The following H2BC18 variants were observed in gnomAD, a reference collection of about 807,000 sequenced individuals.
H2BC18 encodes the protein histone H2B type 2-F.
In H2BC18, 8 loss-of-function variants were observed where a neutral mutation model predicts 6.3. That is an observed-to-expected ratio of 1.28 (90% CI 0.75 to 2.31). H2BC18 has a LOEUF of 2.31. Ranked by LOEUF, H2BC18 falls within the 30% of genes most tolerant of loss-of-function variation. H2BC18 has a pLI of 0.00. For synonymous variants in H2BC18, 104 were observed against 78.1 expected (o/e 1.33, Z -1.75); for missense variants, 106 against 174.5 (o/e 0.61, Z 2.21).
At chr1:149,801,736 T>C (rs2091873853) in intron 1 of H2BC18, among the ~76,000 whole-genome samples, 1 of 151,394 alleles carries the variant, frequency 6.6e-6, no homozygotes, top group Non-Finnish European at 1.5e-5. Context: ...ATCTCTGTGC[T>C]GTAAGGGGCC....
At chr1:149,796,052 T>C in intron 1 of H2BC18, among the ~76,000 whole-genome samples, 1 of 151,882 alleles carries the variant, frequency 6.6e-6, no homozygotes. Flanking sequence ...TTAATGCACA[T>C]TGGCAGGAAA....
At chr1:149,810,237 CACTT>C (rs1454375080), downstream of H2BC18, among the ~76,000 whole-genome samples, 6 of 151,980 alleles carry the variant, frequency 3.9e-5, no homozygotes, top group Admixed American at 2.6e-4. Flanking sequence ...TCGGCCGTCT[CACTT>C]ACTGAGTAAC....
intron 1 of H2BC18, among the ~76,000 whole-genome samples, chr1:149,806,377 G>A (rs1227633249): frequency 6.6e-6 from 1 of 152,086 alleles, no homozygotes; most frequent in African/African-American, 2.4e-5. Context: ...TGGATCACAA[G>A]GTCAGGAGAT....
chr1:149,792,655 C>G, intron 1 of H2BC18: 1 of 1,276,754 alleles, frequency 7.8e-7, no homozygotes, highest in African/African-American at 1.6e-5. Flanking sequence ...CCGCCTGTAT[C>G]TGGGGGCCGC....
At chr1:149,802,976 G>A (rs1318006380) in intron 1 of H2BC18, among the ~76,000 whole-genome samples, 30 of 152,286 alleles carry the variant, frequency 2.0e-4, no homozygotes, top group Non-Finnish European at 3.8e-4. Context: ...TCCTCTCCTA[G>A]TCCACTGACT....
At chr1:149,795,888 T>A (rs2091795010) in intron 1 of H2BC18, among the ~76,000 whole-genome samples, 1 of 151,436 alleles carries the variant, frequency 6.6e-6, no homozygotes, top group Non-Finnish European at 1.5e-5. Flanking sequence ...TTCCTCAGTT[T>A]ACCACAACAT....
intron 1 of H2BC18, among the ~76,000 whole-genome samples, chr1:149,789,482 C>A (rs2091645328): frequency 6.6e-6 from 1 of 152,168 alleles, no homozygotes; most frequent in Admixed American, 6.5e-5. Context: ...TAGTTGACCA[C>A]TGCCAAAAGG....
chr1:149,790,420 T>G (rs1313048123), intron 1 of H2BC18: 47 of 1,547,074 alleles, frequency 3.0e-5, no homozygotes, highest in Non-Finnish European at 3.8e-5. Flanking sequence ...GTTCAAGGGT[T>G]TTTGGCCCAG....
rs587681502 is a variant in H2BC18 at position 149,791,609 on chromosome 1, C to T, written c.378-8349G>A. On this transcript the variant is annotated intron_variant, in intron 1 of 1. Transcript: ENST00000545683. Reference sequence around the variant, plus strand: ...GTACAAACATCCAAAAGTTCAACAACACCAGAACTGTGTGTCTCATGGTAT... The same window carrying T: ...GTACAAACATCCAAAAGTTCAACAATACCAGAACTGTGTGTCTCATGGTAT... The T allele has an allele frequency of 2.2e-4, 344 of 1,538,384 alleles. 3 individuals are homozygous for T. The Middle Eastern group carries it at 4.2e-3, about 19-fold the overall frequency.
chr1:149,796,064 T>C (rs1233023552), intron 1 of H2BC18, among the ~76,000 whole-genome samples: 1 of 151,862 alleles, frequency 6.6e-6, no homozygotes, highest in Non-Finnish European at 1.5e-5. Context: ...GGCAGGAAAA[T>C]GGGAACAAAT....
rs1441701673 is a variant in H2BC18 at position 149,791,673 on chromosome 1, G to T, written c.378-8413C>A. ...CAAATAAATGAACTGACTTCAACTGGGATACATTTGGAAATGTGGTCATCA... is the reference window on the plus strand; with the variant it reads ...CAAATAAATGAACTGACTTCAACTGTGATACATTTGGAAATGTGGTCATCA... On this transcript the variant is annotated intron_variant, in intron 1 of 1. Transcript: ENST00000545683. 1.0e-4 allele frequency: 137 copies of T among 1,310,218 alleles called. 1 individual carries two copies. Among genetic ancestry groups the T allele is most frequent in the Non-Finnish European group, 1.3e-4 (131 of 979,616 alleles). The allele number at this position is 1,310,218 out of a possible 1,614,324, so 81.2% of individuals were successfully genotyped here. A position where few individuals can be genotyped will look rare whatever the true frequency, so the allele number is the denominator to read the frequency against.
chr1:149,807,697 G>C (rs1383318161), downstream of H2BC18, among the ~76,000 whole-genome samples: 1 of 151,610 alleles, frequency 6.6e-6, no homozygotes, highest in African/African-American at 2.4e-5. Context: ...CCAGCTACTC[G>C]GGGGGCTGAG....
At chr1:149,790,318 A>G in intron 1 of H2BC18, 1 of 1,588,794 alleles carries the variant, frequency 6.3e-7, no homozygotes. Context: ...CGCAGCCCTG[A>G]GTTGGAGCTT....
At chr1:149,787,262 A>T (rs1255280299) in intron 1 of H2BC18, 15 of 152,242 alleles carry the variant, frequency 9.9e-5, no homozygotes, top group African/African-American at 3.6e-4. Context: ...CCATTCTTAG[A>T]TAAGTTCTGG....
intron 1 of H2BC18, chr1:149,785,529 T>C (rs2091524846): frequency 6.6e-6 from 1 of 150,734 alleles, no homozygotes; most frequent in South Asian, 2.1e-4. Context: ...CAAGATACTT[T>C]GGGTAATTCA....
chr1:149,809,610 A>C (rs1553754207), downstream of H2BC18, among the ~76,000 whole-genome samples: 3 of 146,392 alleles, frequency 2.0e-5, no homozygotes, highest in African/African-American at 8.0e-5. Flanking sequence ...TTGTGGAATA[A>C]ATACCGAGAA....
rs587752082 is a variant in H2BC18, at chr1:149,792,850, G to C, written c.378-9590C>G. The C allele has an allele frequency of 1.3e-3, 1,613 of 1,268,546 alleles. 21 individuals carry two copies. Among genetic ancestry groups the C allele is most frequent in the Non-Finnish European group, 1.5e-3 (1,454 of 980,806 alleles). The allele number at this position is 1,268,546 out of a possible 1,614,324, so 78.6% of individuals were successfully genotyped here. A position where few individuals can be genotyped will look rare whatever the true frequency, so the allele number is the denominator to read the frequency against. On this transcript the variant is annotated intron_variant, in intron 1 of 1. Transcript: ENST00000545683. ...GCAGGCGGATGGAAGAGAGCAAGGG[G>C]TCGCCGTTCGTGTCCCATTCGCCCG...
At chr1:149,809,624 T>C (rs1173808616), downstream of H2BC18, among the ~76,000 whole-genome samples, 1 of 145,784 alleles carries the variant, frequency 6.9e-6, no homozygotes, top group East Asian at 2.0e-4. Flanking sequence ...CCGAGAAGCA[T>C]ATGTCTCTAG....
intron 1 of H2BC18, chr1:149,793,293 C>A: frequency 8.4e-7 from 1 of 1,191,196 alleles, no homozygotes; most frequent in Non-Finnish European, 1.1e-6. Flanking sequence ...CCCGCCTCCC[C>A]GTCCAGCTCG....
Sources: allele counts gnomAD v4.1 joint callset (sites outside exome capture counted in the v4.1 genomes callset), GRCh38; gene constraint gnomAD v4.1.1; transcripts MANE v1.5; gene names NCBI Gene and HGNC (gene_info 2026-07-23, HGNC 2026-07-21).